The following TAFA5 variants were observed in gnomAD, a reference collection of about 807,000 sequenced individuals.
The protein encoded by TAFA5 is chemokine-like protein TAFA-5.
TAFA5 carries 6 observed loss-of-function variants against 15.3 expected under a neutral mutation model. That is an observed-to-expected ratio of 0.39 (90% confidence interval 0.21 to 0.77). TAFA5 has a LOEUF of 0.77. TAFA5 is among the 30% of genes least tolerant of loss of function. TAFA5 has a pLI of 0.41. For missense variants in TAFA5, 161 were observed against 193.1 expected (o/e 0.83, Z 0.98); for synonymous variants, 103 against 80.7 (o/e 1.28, Z -1.48).
chr22:48,699,933 T>C (rs1045708899), intron 2 of TAFA5, among the ~76,000 whole-genome samples: 19 of 152,066 alleles, frequency 1.2e-4, no homozygotes, highest in African/African-American at 4.1e-4. Flanking sequence ...CACTGACACA[T>C]TGAGCTCCTG....
At chr22:48,516,774 A>G (rs1212542516) in intron 1 of TAFA5, among the ~76,000 whole-genome samples, 1 of 152,150 alleles carries the variant, frequency 6.6e-6, no homozygotes, top group Non-Finnish European at 1.5e-5. Context: ...TGGTGGCCGC[A>G]GCCCCCAGCC....
chr22:48,697,846 A>G (rs995813569), intron 2 of TAFA5, among the ~76,000 whole-genome samples: 5 of 148,980 alleles, frequency 3.4e-5, no homozygotes, highest in African/African-American at 1.2e-4. Flanking sequence ...TAGTGAGGAT[A>G]CCGGTGGTGG....
intron 2 of TAFA5, among the ~76,000 whole-genome samples, chr22:48,674,024 C>T (rs1248948577): frequency 6.7e-6 from 1 of 149,546 alleles, no homozygotes; most frequent in East Asian, 2.0e-4. Context: ...CACATCTGGA[C>T]TCCTCTTCGC....
intron 1 of TAFA5, among the ~76,000 whole-genome samples, chr22:48,578,861 A>T (rs9615931): frequency 1.9e-4 from 28 of 150,098 alleles, no homozygotes; most frequent in South Asian, 8.7e-4. Flanking sequence ...AGGTGCAGGG[A>T]GGGGGGTGGC....
intron 1 of TAFA5, among the ~76,000 whole-genome samples, chr22:48,493,720 T>C (rs1363581736): frequency 2.6e-5 from 4 of 152,240 alleles, no homozygotes; most frequent in African/African-American, 9.6e-5. Flanking sequence ...GGATTTCTTT[T>C]AGCCGACATC....
At chr22:48,501,148 G>A (rs576871636) in intron 1 of TAFA5, among the ~76,000 whole-genome samples, 36 of 152,214 alleles carry the variant, frequency 2.4e-4, no homozygotes, top group Non-Finnish European at 4.1e-4. Context: ...TGCCTCCACC[G>A]TGGTGAGCCC....
At chr22:48,716,819 GCAGAGTGTATTACAAACC>G in intron 3 of TAFA5, among the ~76,000 whole-genome samples, 1 of 151,072 alleles carries the variant, frequency 6.6e-6, no homozygotes, top group East Asian at 1.9e-4. Context: ...GTGTGTAGCA[GCAGAGTGTATTACAAACC>G]CAGTAGAATG....
Position 48,560,079 on chromosome 22 carries a change from C to T in TAFA5, c.112+70375C>T, listed in dbSNP as rs1432574035. On this transcript the variant is annotated intron_variant, in intron 1 of 3. Transcript: ENST00000402357. This position sits in a 1 kb window ranked among gnomAD's most constrained non-coding sequence, Gnocchi z 4.2. ...TCCATCAGGCAGCTGCCCTGGCCACCGATGCCTTCGCAGCATAGGATTTGG... is the reference window on the plus strand; with the variant it reads ...TCCATCAGGCAGCTGCCCTGGCCACTGATGCCTTCGCAGCATAGGATTTGG... Among the ~76,000 whole-genome samples the T allele has an allele frequency of 5.9e-5, 9 of 152,210 alleles. No homozygotes were observed. Among genetic ancestry groups the T allele is most frequent in the East Asian group, 1.9e-4 (1 of 5,188 alleles).
In TAFA5 at chr22:48,565,160, A is replaced by G. The variant is rs1923368876; in HGVS notation, c.112+75456A>G. Among the ~76,000 whole-genome samples, 6 of 152,338 alleles carry G rather than the reference A, an allele frequency of 3.9e-5. No homozygotes were observed. The South Asian group carries it at 1.2e-3, about 32-fold the overall frequency. On this transcript the variant is annotated intron_variant, in intron 1 of 3. Transcript: ENST00000402357. Reference sequence around the variant, plus strand: ...AGCGGACTCCCTGCCATGTGAGGGCATGTGGGCTCCGGCTTGAGGCAGGCC... The same window carrying G: ...AGCGGACTCCCTGCCATGTGAGGGCGTGTGGGCTCCGGCTTGAGGCAGGCC...
At chr22:48,712,931 C>T (rs573596494) in intron 3 of TAFA5, among the ~76,000 whole-genome samples, 7 of 152,350 alleles carry the variant, frequency 4.6e-5, no homozygotes, top group African/African-American at 1.7e-4. Context: ...GTCTTCTCTC[C>T]ACAGACGTTC....
At position 48,565,981 on chromosome 22, in the gene TAFA5, T is replaced by C. The variant is rs114758748; in HGVS notation, c.112+76277T>C. Among the ~76,000 whole-genome samples the C allele has an allele frequency of 2.1e-3, 316 of 150,522 alleles. 1 individual carries two copies. Among genetic ancestry groups the C allele is most frequent in the African/African-American group, 6.7e-3 (274 of 40,846 alleles). On this transcript the variant is annotated intron_variant, in intron 1 of 3. Coordinates refer to ENST00000402357, the MANE Select transcript of TAFA5 (RefSeq NM_001082967.3). The stretch of plus-strand genomic sequence containing the variant: ...GCAGCTGGGTGGATGGGTGGATGGA[T>C]GGATGGACAGATGGATGTATGATGG...
chr22:48,618,702 G>A (rs1394173548), intron 1 of TAFA5, among the ~76,000 whole-genome samples: 2 of 152,242 alleles, frequency 1.3e-5, no homozygotes, highest in African/African-American at 4.8e-5. Flanking sequence ...CTGCTGGGCA[G>A]TATAGCCTCT....
At chr22:48,514,792 A>G (rs569515695) in intron 1 of TAFA5, among the ~76,000 whole-genome samples, 1 of 152,324 alleles carries the variant, frequency 6.6e-6, no homozygotes, top group East Asian at 1.9e-4. Context: ...TTCCTTTTCT[A>G]TTCATGTCTG....
chr22:48,573,730 C>CT (rs539015172), intron 1 of TAFA5, among the ~76,000 whole-genome samples: 3 of 152,102 alleles, frequency 2.0e-5, no homozygotes, highest in Non-Finnish European at 4.4e-5. Context: ...TATGAACTTT[C>CT]TTTTTTTTCT....
intron 1 of TAFA5, among the ~76,000 whole-genome samples, chr22:48,594,807 G>C (rs1388892890): frequency 1.3e-5 from 2 of 152,158 alleles, no homozygotes; most frequent in Admixed American, 1.3e-4. Flanking sequence ...CGGGCGCCCT[G>C]CCAGGATGCT....
In TAFA5 at chr22:48,750,120, C is replaced by T; in HGVS notation, c.*273C>T. The T allele has an allele frequency of 3.9e-6, 2 of 507,530 alleles. No individual in the cohort carries two copies. The highest frequency in any genetic ancestry group is 6.9e-5 in the East Asian group (2 of 29,124). 31.4% of individuals were successfully genotyped at this position (507,530 alleles called of 1,614,324 possible). A position where few individuals can be genotyped will look rare whatever the true frequency, so the allele number is the denominator to read the frequency against. On this transcript the variant is annotated 3_prime_UTR_variant, in exon 4 of 4. Coordinates refer to ENST00000402357, the MANE Select transcript of TAFA5 (RefSeq NM_001082967.3). ...CTGTGGGAGCCCGGCCGCGCCCAGC[C>T]CCCGCCGACCGTGGCGTTGGCCCTG...
At chr22:48,728,466 A>G (rs1284713743) in intron 3 of TAFA5, among the ~76,000 whole-genome samples, 2 of 152,240 alleles carry the variant, frequency 1.3e-5, no homozygotes, top group East Asian at 3.8e-4. Context: ...TTCTACATTT[A>G]TAATATGGAC....
At chr22:48,621,411 C>A (rs1420803879) in intron 1 of TAFA5, among the ~76,000 whole-genome samples, 1 of 151,962 alleles carries the variant, frequency 6.6e-6, no homozygotes, top group Non-Finnish European at 1.5e-5. Context: ...CCATCCATGG[C>A]ATCAGCAGAT....
At chr22:48,528,484 C>G (rs1022587521) in intron 1 of TAFA5, among the ~76,000 whole-genome samples, 2 of 152,144 alleles carry the variant, frequency 1.3e-5, no homozygotes, top group Non-Finnish European at 2.9e-5. Flanking sequence ...CTGCACCCAG[C>G]CCTGCCACAC....
Sources: gnomAD v4.1 joint callset for allele counts (sites outside exome capture counted in the v4.1 genomes callset) on GRCh38, gnomAD v4.1.1 for gene constraint, Gnocchi (gnomAD v3.1) non-coding constraint, MANE v1.5 for transcripts, NCBI Gene and HGNC (gene_info 2026-07-23, HGNC 2026-07-21) for gene names.